THTPA: variants seen among roughly 807,000 people sequenced by gnomAD.
THTPA encodes thiamine-triphosphatase.
Under a neutral mutation model 16.5 loss-of-function variants are expected in THTPA, and 16 were observed. The ratio of observed to expected loss-of-function variants is 0.97; its 90% CI spans 0.66 to 1.47. THTPA has a LOEUF of 1.47. THTPA is among the 40% of genes most tolerant of loss of function. The probability of loss-of-function intolerance (pLI) is 0.00; values close to 1 mark genes in which losing one functional copy is unlikely to be tolerated. For missense variants in THTPA, 281 were observed against 280.9 expected, an observed-to-expected ratio of 1.00 and a Z score of 0.00; for synonymous variants, 110 against 115.5, an observed-to-expected ratio of 0.95 and a Z score of 0.30.
At position 23,559,526 on chromosome 14, in the gene THTPA, TG is replaced by T. The variant is rs1363237997; in HGVS notation, c.*687del. On this transcript the variant is annotated 3_prime_UTR_variant, in exon 2 of 2. Transcript: ENST00000288014. ...CTATGTAAGAATGCTCTTCCCTTGC[TG>T]TTATTCATACACACTTTCCACTTCA... is the stretch of plus-strand genomic sequence containing the variant. The T allele has an allele frequency of 1.8e-6, 1 of 545,534 alleles. No individual in the cohort carries two copies. The highest frequency in any genetic ancestry group is 3.3e-6 in the Non-Finnish European group (1 of 302,156). 33.8% of individuals were successfully genotyped at this position (545,534 alleles called of 1,614,324 possible). A position where few individuals can be genotyped will look rare whatever the true frequency, so the allele number is the denominator to read the frequency against.
chr14:23,548,625 C>T, the THTPA span, among the ~76,000 whole-genome samples: 12 of 152,264 alleles, frequency 7.9e-5, no homozygotes, highest in African/African-American at 2.4e-4. Flanking sequence ...TCTACTTTTT[C>T]ATCTCTTTGC....
chr14:23,524,660 G>T, the THTPA span: 1 of 1,536,232 alleles, frequency 6.5e-7, no homozygotes, highest in Non-Finnish European at 8.7e-7. The surrounding 1 kb of genome is among the most constrained non-coding windows in gnomAD (Gnocchi z 5.6). Flanking sequence ...TGATGGAGTA[G>T]CCTTCTCTTC....
At chr14:23,552,852 T>G (rs559477199), upstream of THTPA, among the ~76,000 whole-genome samples, 11 of 152,192 alleles carry the variant, frequency 7.2e-5, no homozygotes, top group Admixed American at 4.6e-4. Flanking sequence ...TCCACCGGCC[T>G]CAGCCTCCCA....
At chr14:23,520,436 C>G in the THTPA span, among the ~76,000 whole-genome samples, 1 of 152,034 alleles carries the variant, frequency 6.6e-6, no homozygotes, top group African/African-American at 2.4e-5. This position sits in a 1 kb window ranked among gnomAD's most constrained non-coding sequence, Gnocchi z 8.7. Flanking sequence ...AAGGTAAATG[C>G]AAGGAGAAGG....
chr14:23,553,513 C>T (rs184764306), upstream of THTPA, among the ~76,000 whole-genome samples: 180 of 147,714 alleles, frequency 1.2e-3, 1 homozygote, highest in African/African-American at 4.3e-3. Context: ...GCAGAAGAAT[C>T]GCTTGAACCC....
At chr14:23,537,800 G>A in the THTPA span, among the ~76,000 whole-genome samples, 20 of 152,306 alleles carry the variant, frequency 1.3e-4, no homozygotes, top group African/African-American at 4.3e-4. Context: ...AAGGGTGCTG[G>A]TTTGTGAGGG....
chr14:23,557,524 C>T (rs994125359), intron 1 of THTPA, among the ~76,000 whole-genome samples: 12 of 152,194 alleles, frequency 7.9e-5, no homozygotes, highest in Admixed American at 2.0e-4. Context: ...GTGTGAGCCT[C>T]TGTGCCTGGC....
At chr14:23,518,319 AACAAAT>A in the THTPA span, among the ~76,000 whole-genome samples, 3 of 152,374 alleles carry the variant, frequency 2.0e-5, no homozygotes, top group East Asian at 5.8e-4. This position sits in a 1 kb window ranked among gnomAD's most constrained non-coding sequence, Gnocchi z 4.5. Context: ...GTGGTTAAGA[AACAAAT>A]ACAAAGAATT....
At chr14:23,533,142 T>C in the THTPA span, 1 of 1,463,846 alleles carries the variant, frequency 6.8e-7, no homozygotes, top group Non-Finnish European at 9.0e-7. The surrounding 1 kb of genome is among the most constrained non-coding windows in gnomAD (Gnocchi z 4.8). Context: ...GTTGGTTCTC[T>C]ATGTGGGGAG....
At chr14:23,530,459 G>A in the THTPA span, 30 of 648,920 alleles carry the variant, frequency 4.6e-5, no homozygotes, top group African/African-American at 5.4e-4. Flanking sequence ...TCCAGCAGTA[G>A]ACAGCAGAAA....
chr14:23,548,069 C>T, the THTPA span, among the ~76,000 whole-genome samples: 59,716 of 152,060 alleles, frequency 0.39, 14,099 homozygotes, highest in African/African-American at 0.67. Flanking sequence ...CGATCCCTTC[C>T]CTCTGCATTC....
chr14:23,524,681 C>T, the THTPA span: 1 of 1,536,276 alleles, frequency 6.5e-7, no homozygotes, highest in South Asian at 1.2e-5. The surrounding 1 kb of genome is among the most constrained non-coding windows in gnomAD (Gnocchi z 5.6). Flanking sequence ...AGGCTCTTTG[C>T]CTCCTGCCTT....
chr14:23,559,762 TC>T lies in THTPA; in HGVS notation c.*924del. 3.1e-6 allele frequency: 5 copies of T among 1,614,104 alleles called. No homozygotes were observed. Among genetic ancestry groups the T allele is most frequent in the Non-Finnish European group, 4.2e-6 (5 of 1,179,986 alleles). ...GAGTGGAGACAGTTACTGCCACGAT[TC>T]CACAGGCAAGTTGTTCACCTCAAAG... On this transcript the variant is annotated 3_prime_UTR_variant, in exon 2 of 2. Transcript: ENST00000288014.
At chr14:23,513,957 G>A in the THTPA span, 1 of 152,834 alleles carries the variant, frequency 6.5e-6, no homozygotes, top group African/African-American at 2.4e-5. Flanking sequence ...CAGGGAGGAG[G>A]GAGTGTGCCA....
chr14:23,531,712 C>T, the THTPA span: 3 of 1,360,158 alleles, frequency 2.2e-6, no homozygotes, highest in Non-Finnish European at 2.9e-6. Context: ...CCCTCCATGT[C>T]CAGCAGAAAC....
At chr14:23,535,419 C>A in the THTPA span, 826 of 1,386,068 alleles carry the variant, frequency 6.0e-4, 5 homozygotes, top group African/African-American at 0.011. The surrounding 1 kb of genome is among the most constrained non-coding windows in gnomAD (Gnocchi z 4.5). Context: ...GCTGCAGGGA[C>A]CCCAGCTGGG....
chr14:23,522,108 G>C, the THTPA span: 11 of 1,534,848 alleles, frequency 7.2e-6, no homozygotes, highest in Non-Finnish European at 9.6e-6. Flanking sequence ...CCTTGAGGTG[G>C]GGCTGCCTTG....
chr14:23,532,854 G>T, the THTPA span: 1 of 1,536,312 alleles, frequency 6.5e-7, no homozygotes, highest in Non-Finnish European at 8.7e-7. Flanking sequence ...TTGCAGCGGT[G>T]GGTGTCACCA....
the THTPA span, chr14:23,530,410 C>A: frequency 1.5e-6 from 1 of 675,058 alleles, no homozygotes; most frequent in Non-Finnish European, 2.7e-6. Context: ...CCTAAGAGAT[C>A]ATTTTATTAA....
Sources: gnomAD v4.1 joint callset for allele counts (sites outside exome capture counted in the v4.1 genomes callset) on GRCh38, gnomAD v4.1.1 for gene constraint, Gnocchi (gnomAD v3.1) non-coding constraint, MANE v1.5 for transcripts, NCBI Gene and HGNC (gene_info 2026-07-23, HGNC 2026-07-21) for gene names.